RALYL: variants seen among roughly 807,000 people sequenced by gnomAD.
The protein encoded by RALYL is RNA-binding Raly-like protein.
RALYL carries 29 observed loss-of-function variants against 35.1 expected under a neutral mutation model. The observed-to-expected ratio is 0.83, with a 90% CI of 0.61 to 1.13. RALYL has a LOEUF of 1.13. RALYL is among the 50% of genes most tolerant of loss of function. RALYL has a pLI of 0.00. For synonymous variants in RALYL, 120 were observed against 127.6 expected, an observed-to-expected ratio of 0.94 and a Z score of 0.40; for missense variants, 359 against 360.4, an observed-to-expected ratio of 1.00 and a Z score of 0.03.
intron 2 of RALYL, among the ~76,000 whole-genome samples, chr8:84,719,113 G>A (rs1168052622): frequency 1.3e-5 from 2 of 152,060 alleles, no homozygotes; most frequent in African/African-American, 4.8e-5. Context: ...GGATTCCTCT[G>A]TAACCTGTAT....
intron 1 of RALYL, among the ~76,000 whole-genome samples, chr8:84,402,804 A>G (rs1369061756): frequency 6.6e-6 from 1 of 152,100 alleles, no homozygotes; most frequent in Non-Finnish European, 1.5e-5. Flanking sequence ...CTATTTCTCC[A>G]TATCCTCTCC....
At chr8:84,222,859 T>A (rs1822606544) in intron 1 of RALYL, among the ~76,000 whole-genome samples, 1 of 152,106 alleles carries the variant, frequency 6.6e-6, no homozygotes, top group Admixed American at 6.6e-5. Flanking sequence ...GTGATTGGTC[T>A]TGACAAATAT....
At chr8:84,458,059 T>C (rs1347894107) in intron 1 of RALYL, among the ~76,000 whole-genome samples, 3 of 151,826 alleles carry the variant, frequency 2.0e-5, no homozygotes, top group South Asian at 2.1e-4. Flanking sequence ...TAAAAGACCA[T>C]TGGCATCTGA....
chr8:84,845,587 A>T (rs1834466084), intron 4 of RALYL, among the ~76,000 whole-genome samples: 1 of 152,162 alleles, frequency 6.6e-6, no homozygotes, highest in Non-Finnish European at 1.5e-5. Context: ...TCAGATGCAC[A>T]GTTTATGAAT....
In RALYL at chr8:84,617,594, T is replaced by G. The variant is rs1246767963; in HGVS notation, c.256+88017T>G. On this transcript the variant is annotated intron_variant, in intron 2 of 8. Coordinates refer to ENST00000521268, the MANE Select transcript of RALYL (RefSeq NM_173848.7). ...TTGAATACCCTTTATTTCCTTCTCC[T>G]GCCTAATTGCCCTGGCCAGAACTTC... 6.4e-4 allele frequency among the ~76,000 whole-genome samples: 95 copies of G among 149,314 alleles called. 1 individual carries two copies. Among genetic ancestry groups the G allele is most frequent in the African/African-American group, 2.3e-3 (93 of 39,746 alleles).
chr8:84,284,204 T>C (rs1445624050), intron 1 of RALYL, among the ~76,000 whole-genome samples: 1 of 152,118 alleles, frequency 6.6e-6, no homozygotes, highest in Non-Finnish European at 1.5e-5. Flanking sequence ...ATGACAGACA[T>C]ACTGCATTTC....
chr8:84,674,088 A>G (rs1030128605), intron 2 of RALYL, among the ~76,000 whole-genome samples: 1 of 151,938 alleles, frequency 6.6e-6, no homozygotes, highest in African/African-American at 2.4e-5. Context: ...GAGATCTTTC[A>G]CTTTCCTAAT....
intron 1 of RALYL, among the ~76,000 whole-genome samples, chr8:84,253,932 A>G (rs1053967384): frequency 2.0e-5 from 3 of 152,142 alleles, no homozygotes; most frequent in East Asian, 1.9e-4. Context: ...CATATTGTCT[A>G]TCTGGAAACT....
At chr8:84,804,697 G>T in intron 3 of RALYL, 73 bp from the exon 4 acceptor site, 1 of 731,530 alleles carries the variant, frequency 1.4e-6, no homozygotes, top group South Asian at 3.3e-5. Flanking sequence ...ATTTTGTCAG[G>T]TTCATGTAAA....
chr8:84,359,276 A>T (rs1391892496), intron 1 of RALYL, among the ~76,000 whole-genome samples: 1 of 151,166 alleles, frequency 6.6e-6, no homozygotes, highest in Non-Finnish European at 1.5e-5. Context: ...AATTTTCATT[A>T]TTGAATGCTA....
rs200791373 is a variant in RALYL, at chr8:84,474,235, G to GT, written c.-23-55062dup. 5.2e-3 allele frequency among the ~76,000 whole-genome samples: 786 copies of GT among 152,182 alleles called. 3 individuals carry two copies. Among genetic ancestry groups the GT allele is most frequent in the African/African-American group, 0.018 (758 of 41,540 alleles). Reference sequence around the variant, plus strand: ...CTAATGATTACTTCAAAGCAGAAAGGTTAAATATGATATGAGTAAAATTTT... The same window carrying GT: ...CTAATGATTACTTCAAAGCAGAAAGGTTTAAATATGATATGAGTAAAATTTT... On this transcript the variant is annotated intron_variant, in intron 1 of 8. Coordinates refer to ENST00000521268, the MANE Select transcript of RALYL (RefSeq NM_173848.7).
chr8:84,719,935 C>T (rs1336850772), intron 2 of RALYL, among the ~76,000 whole-genome samples: 1 of 152,106 alleles, frequency 6.6e-6, no homozygotes, highest in Non-Finnish European at 1.5e-5. Flanking sequence ...TTTCCACTCT[C>T]CAATCTTTGG....
chr8:84,774,129 G>A (rs1816257589), intron 2 of RALYL, among the ~76,000 whole-genome samples: 2 of 152,232 alleles, frequency 1.3e-5, no homozygotes, highest in South Asian at 2.1e-4. Context: ...AGAGGAAGGA[G>A]GATTGTTTGA....
At chr8:84,227,357 AC>A (rs1824191510) in intron 1 of RALYL, among the ~76,000 whole-genome samples, 1 of 132,726 alleles carries the variant, frequency 7.5e-6, no homozygotes, top group Non-Finnish European at 1.5e-5. Flanking sequence ...CACGTCTGGC[AC>A]AAAAAAAATG....
At chr8:84,754,454 T>C (rs1458629256) in intron 2 of RALYL, among the ~76,000 whole-genome samples, 1 of 152,162 alleles carries the variant, frequency 6.6e-6, no homozygotes, top group East Asian at 1.9e-4. Context: ...GACATTCCAC[T>C]TTGCCCTCTC....
chr8:84,281,154 C>T (rs117022596), intron 1 of RALYL, among the ~76,000 whole-genome samples: 68 of 152,230 alleles, frequency 4.5e-4, no homozygotes, highest in South Asian at 4.1e-3. Flanking sequence ...GATTTTGATT[C>T]TGGATTGAAG....
intron 1 of RALYL, among the ~76,000 whole-genome samples, chr8:84,351,848 A>C (rs1850956698): frequency 6.7e-6 from 1 of 150,334 alleles, no homozygotes; most frequent in Admixed American, 6.6e-5. Context: ...GTATTTTGGC[A>C]TTTTTAATAC....
chr8:84,693,953 AT>A (rs1284458069), intron 2 of RALYL, among the ~76,000 whole-genome samples: 1 of 151,928 alleles, frequency 6.6e-6, no homozygotes, highest in Non-Finnish European at 1.5e-5. Flanking sequence ...CAAATTAGGT[AT>A]AAAAATAATG....
At chr8:84,912,067 G>T (rs761818181) in intron 8 of RALYL, among the ~76,000 whole-genome samples, 24 of 152,044 alleles carry the variant, frequency 1.6e-4, no homozygotes, top group Non-Finnish European at 3.1e-4. Flanking sequence ...AGGTCAGTGG[G>T]TGGGGCTGAA....
Sources: allele counts gnomAD v4.1 joint callset (sites outside exome capture counted in the v4.1 genomes callset), GRCh38; gene constraint gnomAD v4.1.1; transcripts MANE v1.5; gene names NCBI Gene and HGNC (gene_info 2026-07-23, HGNC 2026-07-21).